JMY: variants seen among roughly 807,000 people sequenced by gnomAD.
JMY encodes junction-mediating and -regulatory protein.
JMY carries 46 observed loss-of-function variants against 103.3 expected under a neutral mutation model. The observed-to-expected ratio is 0.45, with a 90% CI of 0.35 to 0.57. The LOEUF is 0.57. Ranked by LOEUF, JMY falls within the 20% of genes least tolerant of loss-of-function variation. JMY has a pLI of 0.00. For synonymous variants in JMY, 526 were observed against 489.3 expected, an observed-to-expected ratio of 1.07 and a Z score of -0.99; for missense variants, 1,238 against 1,255.2, an observed-to-expected ratio of 0.99 and a Z score of 0.21.
At chr5:79,289,301 T>C (rs559880272) in intron 2 of JMY, among the ~76,000 whole-genome samples, 17 of 151,754 alleles carry the variant, frequency 1.1e-4, no homozygotes, top group African/African-American at 3.9e-4. Flanking sequence ...CATTACTAGC[T>C]TTTTAGTGGC....
At chr5:79,270,579 TTAC>T (rs1745742002) in intron 1 of JMY, among the ~76,000 whole-genome samples, 1 of 74,288 alleles carries the variant, frequency 1.3e-5, no homozygotes, top group Non-Finnish European at 3.3e-5. Flanking sequence ...AAATGTATAT[TTAC>T]ATAAATATTT....
intron 1 of JMY, among the ~76,000 whole-genome samples, chr5:79,257,742 G>T (rs1223998031): frequency 1.3e-5 from 2 of 152,078 alleles, no homozygotes; most frequent in Non-Finnish European, 2.9e-5. Flanking sequence ...TGCATTGTAA[G>T]TCCCTAAGAG....
intron 9 of JMY, among the ~76,000 whole-genome samples, chr5:79,315,134 T>G (rs937939642): frequency 6.6e-6 from 1 of 150,994 alleles, no homozygotes; most frequent in Non-Finnish European, 1.5e-5. Context: ...AGGGAAAAAG[T>G]TTTGATTTTA....
chr5:79,298,804 A>G (rs1746640839), intron 4 of JMY, among the ~76,000 whole-genome samples: 1 of 152,248 alleles, frequency 6.6e-6, no homozygotes, highest in Admixed American at 6.5e-5. Flanking sequence ...ATTTGAAATT[A>G]TATTTTAAGG....
At chr5:79,265,780 CTTTTTTTT>C (rs34354467) in intron 1 of JMY, among the ~76,000 whole-genome samples, 2 of 116,206 alleles carry the variant, frequency 1.7e-5, no homozygotes, top group African/African-American at 6.5e-5. Context: ...TGTGATGATT[CTTTTTTTT>C]TTTTTTTTTT....
At chr5:79,284,167 C>T in intron 2 of JMY, 1 of 1,564,978 alleles carries the variant, frequency 6.4e-7, no homozygotes, top group Non-Finnish European at 8.7e-7. Context: ...TCAAAACCAT[C>T]AGCTCGTTCA....
At chr5:79,278,341 T>C (rs1580350220) in intron 2 of JMY, among the ~76,000 whole-genome samples, 1 of 152,042 alleles carries the variant, frequency 6.6e-6, no homozygotes, top group African/African-American at 2.4e-5. Context: ...TAGCACAAAG[T>C]TGTAAATACA....
intron 10 of JMY, among the ~76,000 whole-genome samples, chr5:79,317,040 T>C (rs1747250749): frequency 6.6e-6 from 1 of 150,534 alleles, no homozygotes; most frequent in Non-Finnish European, 1.5e-5. Context: ...ATACCCCGTC[T>C]GTAAAAAGAA....
chr5:79,244,450 T>C (rs1174223928), intron 1 of JMY, among the ~76,000 whole-genome samples: 3 of 152,092 alleles, frequency 2.0e-5, no homozygotes, highest in South Asian at 4.2e-4. Context: ...GGTGGGAAAA[T>C]TGGTTTGTCA....
chr5:79,245,862 G>A (rs1744885207), intron 1 of JMY, among the ~76,000 whole-genome samples: 1 of 152,064 alleles, frequency 6.6e-6, no homozygotes, highest in Non-Finnish European at 1.5e-5. Flanking sequence ...CTAAACTCAG[G>A]TATCCATCTG....
At chr5:79,287,844 T>G (rs192973903) in intron 2 of JMY, among the ~76,000 whole-genome samples, 151 of 152,368 alleles carry the variant, frequency 9.9e-4, no homozygotes, top group African/African-American at 3.4e-3. Context: ...CATTTGTCTT[T>G]TCTTTGTATT....
intron 1 of JMY, among the ~76,000 whole-genome samples, chr5:79,271,604 TG>T (rs1460816344): frequency 6.6e-6 from 1 of 152,194 alleles, no homozygotes; most frequent in African/African-American, 2.4e-5. Flanking sequence ...TGAATTTTTT[TG>T]TACATTTGTG....
chr5:79,256,884 G>A (rs1745261034), intron 1 of JMY, among the ~76,000 whole-genome samples: 1 of 151,232 alleles, frequency 6.6e-6, no homozygotes, highest in Non-Finnish European at 1.5e-5. Flanking sequence ...AGCCTCCCTA[G>A]TAACTAGCCG....
intron 6 of JMY, 115 bp downstream of exon 6, chr5:79,300,978 A>ATCAG: frequency 1.2e-6 from 1 of 802,180 alleles, no homozygotes; most frequent in South Asian, 1.9e-5. Flanking sequence ...ACTATCTCTT[A>ATCAG]TCAGTGCTCA....
At chr5:79,242,783 C>A (rs943235926) in intron 1 of JMY, among the ~76,000 whole-genome samples, 3 of 140,644 alleles carry the variant, frequency 2.1e-5, no homozygotes, top group Non-Finnish European at 4.7e-5. Context: ...TCAATAATGA[C>A]TTTTTTTTTT....
chr5:79,321,610 C>T lies in JMY; in HGVS notation c.*8C>T, dbSNP rs538164121. 2 of 151,846 alleles carry T rather than the reference C, an allele frequency of 1.3e-5. No homozygotes were observed. The highest frequency in any genetic ancestry group is 2.4e-5 in the African/African-American group (1 of 41,390). 9.4% of individuals were successfully genotyped at this position (151,846 alleles called of 1,614,324 possible). On this transcript the variant is annotated 3_prime_UTR_variant, in exon 11 of 11. Coordinates refer to ENST00000396137, the MANE Select transcript of JMY (RefSeq NM_152405.5). The stretch of plus-strand genomic sequence containing the variant: ...TATTATTTTGTTTGTAAACAGGTGA[C>T]ATAACAGAAGAAAAATATCATTCAA...
At chr5:79,250,181 T>C (rs867642547) in intron 1 of JMY, among the ~76,000 whole-genome samples, 5 of 152,340 alleles carry the variant, frequency 3.3e-5, no homozygotes, top group South Asian at 2.1e-4. Flanking sequence ...TAATGGAAGC[T>C]GGTGCTGTAC....
In JMY at chr5:79,325,814, T is replaced by C. The variant is rs1221343324; in HGVS notation, c.*4212T>C. The C allele has an allele frequency of 6.6e-6, 1 of 152,184 alleles. No individual in the cohort carries two copies. Among genetic ancestry groups the C allele is most frequent in the East Asian group, 1.9e-4 (1 of 5,202 alleles). The allele number at this position is 152,184 out of a possible 1,614,324, so 9.4% of individuals were successfully genotyped here. A position where few individuals can be genotyped will look rare whatever the true frequency, so the allele number is the denominator to read the frequency against. On this transcript the variant is annotated 3_prime_UTR_variant, in exon 11 of 11. Transcript: ENST00000396137. ...GTTTTCCTACAAAGTGAGTTTATATTGTTGCCTAAACTATGTTATGTAAGC... is the reference window on the plus strand; with the variant it reads ...GTTTTCCTACAAAGTGAGTTTATATCGTTGCCTAAACTATGTTATGTAAGC...
chr5:79,297,877 C>A (rs1746610819), intron 4 of JMY, among the ~76,000 whole-genome samples: 1 of 152,148 alleles, frequency 6.6e-6, no homozygotes. Flanking sequence ...GAGGTCACTG[C>A]TTGTAAGAGA....
Sources: gnomAD v4.1 joint callset for allele counts (sites outside exome capture counted in the v4.1 genomes callset) on GRCh38, gnomAD v4.1.1 for gene constraint, MANE v1.5 for transcripts, NCBI Gene and HGNC (gene_info 2026-07-23, HGNC 2026-07-21) for gene names.